KRT7: variants seen among roughly 807,000 people sequenced by gnomAD.
The protein encoded by KRT7 is keratin 7, also known as keratin, type II cytoskeletal 7.
Under a neutral mutation model 42.8 loss-of-function variants are expected in KRT7, and 50 were observed. That is an observed-to-expected ratio of 1.17 (90% confidence interval 0.93 to 1.48). KRT7 has a LOEUF of 1.48. KRT7 is among the 40% of genes most tolerant of loss of function. KRT7 has a pLI of 0.00. For synonymous variants in KRT7, 268 were observed against 266.3 expected, an observed-to-expected ratio of 1.01 and a Z score of -0.06; for missense variants, 588 against 637.6, an observed-to-expected ratio of 0.92 and a Z score of 0.84.
At chr12:52,236,076 G>C (rs913701561) in intron 2 of KRT7, among the ~76,000 whole-genome samples, 3 of 152,010 alleles carry the variant, frequency 2.0e-5, no homozygotes, top group African/African-American at 7.3e-5. Flanking sequence ...GCCCCACCCT[G>C]GCACACCTGA....
Position 52,238,794 on chromosome 12 carries a change from GGTGACAT to G in KRT7, c.693+22_693+28del, listed in dbSNP as rs1565718421. 6.7e-7 allele frequency: 1 copy of G among 1,482,056 alleles called. No homozygotes were observed. Among genetic ancestry groups the G allele is most frequent in the Non-Finnish European group, 9.4e-7 (1 of 1,059,544 alleles). 91.8% of individuals were successfully genotyped at this position (1,482,056 alleles called of 1,614,324 possible). On this transcript the variant is annotated intron_variant, in intron 4 of 8. Transcript: ENST00000331817. ...TGAGACGGTGAGGACCATGGAGCTG[GGTGACAT>G]GTCTTATCCTACCCATTCTAACCAG...
intron 6 of KRT7, chr12:52,244,707 G>A (rs1942143249): frequency 7.6e-6 from 7 of 918,788 alleles, no homozygotes; most frequent in Non-Finnish European, 9.1e-6. Context: ...TCCTGGCAGT[G>A]GGGGCTGAGC....
At chr12:52,250,519 A>T (rs907904939), downstream of KRT7, 1 of 810,422 alleles carries the variant, frequency 1.2e-6, no homozygotes, top group East Asian at 2.8e-5. Context: ...CAGGGCGCAC[A>T]CAGGCCGGTG....
chr12:52,236,338 C>T (rs988034898), intron 2 of KRT7, among the ~76,000 whole-genome samples: 11 of 151,990 alleles, frequency 7.2e-5, no homozygotes, highest in South Asian at 2.1e-4. Context: ...TGTGTGCATG[C>T]GTGTGTGCAT....
chr12:52,237,458 C>A, intron 2 of KRT7, 51 bp from the exon 3 acceptor site: 2 of 1,347,650 alleles, frequency 1.5e-6, no homozygotes, highest in Non-Finnish European at 2.1e-6. Context: ...GGAGGGGGGA[C>A]GGGAGCATGG....
chr12:52,245,748 G>A, intron 7 of KRT7, 116 bp downstream of exon 7: 2 of 1,334,320 alleles, frequency 1.5e-6, no homozygotes, highest in Non-Finnish European at 2.1e-6. Flanking sequence ...GGCACTGGGT[G>A]TGGGGATGCA....
chr12:52,245,102 G>A (rs1014882164), intron 6 of KRT7: 13 of 480,084 alleles, frequency 2.7e-5, no homozygotes, highest in Non-Finnish European at 3.7e-5. Flanking sequence ...ATTGTGCCAC[G>A]GACATCTTGT....
downstream of KRT7, among the ~76,000 whole-genome samples, chr12:52,254,785 A>G (rs989563326): frequency 3.9e-5 from 6 of 152,132 alleles, no homozygotes; most frequent in Non-Finnish European, 7.4e-5. Context: ...CTTCCAAGTC[A>G]GTGTCACTCT....
chr12:52,233,487 G>T lies in KRT7; in HGVS notation c.191G>T (p.Arg64Leu), dbSNP rs1164523324. The T allele has an allele frequency of 6.2e-7, 1 of 1,610,546 alleles. No homozygotes were observed. The change falls in exon 1 of 9, where the codon CGC (arginine) becomes CTC (leucine). Residue 64 changes from arginine to leucine, a missense_variant. Physicochemically the swap from Arg to Leu is moderately radical, Grantham distance 102 (BLOSUM62 -2). Transcript: ENST00000331817. ...GGGGGCCCGGTGGGCGCCGGCATCC[G>T]CGAGGTCACCATTAACCAGAGCCTG... ...AYGGPVGAGI[R>L]EVTINQSLLA...
chr12:52,251,634 T>A (rs1305390091), downstream of KRT7: 1 of 239,246 alleles, frequency 4.2e-6, no homozygotes, highest in African/African-American at 2.3e-5. Context: ...CCTAGGAAAG[T>A]AGAGTAAAAA....
chr12:52,244,125 G>A (rs1348147893), intron 6 of KRT7, among the ~76,000 whole-genome samples: 1 of 152,236 alleles, frequency 6.6e-6, no homozygotes, highest in East Asian at 1.9e-4. Context: ...TCGGAAAGCT[G>A]ATTTCCAGAT....
downstream of KRT7, chr12:52,254,229 CAT>C (rs780605795): frequency 7.0e-6 from 5 of 709,704 alleles, no homozygotes; most frequent in Admixed American, 9.1e-5. Flanking sequence ...ATGTCTAACT[CAT>C]ATCCTCCTTG....
At chr12:52,239,717 G>A (rs1020757692) in intron 4 of KRT7, among the ~76,000 whole-genome samples, 1 of 152,188 alleles carries the variant, frequency 6.6e-6, no homozygotes, top group Admixed American at 6.5e-5. Context: ...GCCCAAGTCA[G>A]GAGAGACTGG....
At chr12:52,253,770 A>C, downstream of KRT7, 1 of 838,966 alleles carries the variant, frequency 1.2e-6, no homozygotes, top group Non-Finnish European at 1.9e-6. Context: ...GATCTCCTGC[A>C]GGAGATGGGG....
chr12:52,242,423 T>C (rs1480072838), intron 5 of KRT7, among the ~76,000 whole-genome samples: 1 of 152,132 alleles, frequency 6.6e-6, no homozygotes, highest in East Asian at 1.9e-4. Context: ...ATCTACTTCA[T>C]GGTGGCAGGA....
rs778408933 is a variant in KRT7, at chr12:52,233,497, C to T, written c.201C>T (p.Thr67=). 15 of 1,612,260 alleles carry T rather than the reference C, an allele frequency of 9.3e-6. No individual in the cohort carries two copies. Among genetic ancestry groups the T allele is most frequent in the Non-Finnish European group, 1.3e-5 (15 of 1,179,718 alleles). Residue 67 remains threonine (T), a synonymous_variant, in exon 1 of 9, where the codon ACC becomes ACT. Transcript: ENST00000331817. ...GPVGAGIREV[T]INQSLLAPLR... ...TGGGCGCCGGCATCCGCGAGGTCAC[C>T]ATTAACCAGAGCCTGCTGGCCCCGC...
chr12:52,251,700 A>G, downstream of KRT7: 1 of 308,218 alleles, frequency 3.2e-6, no homozygotes, highest in Admixed American at 4.7e-5. Context: ...TTGACCTAAA[A>G]GTCCTTATGT....
downstream of KRT7, chr12:52,253,671 T>C: frequency 1.3e-6 from 2 of 1,483,408 alleles, no homozygotes; most frequent in Non-Finnish European, 1.8e-6. Flanking sequence ...AGCTTTGATC[T>C]CAGTGATGAC....
At chr12:52,251,886 A>G (rs965561710), downstream of KRT7, 1 of 414,390 alleles carries the variant, frequency 2.4e-6, no homozygotes, top group Non-Finnish European at 4.7e-6. Flanking sequence ...GCTGCTTTAC[A>G]TGACAACGGA....
Sources: allele counts gnomAD v4.1 joint callset (sites outside exome capture counted in the v4.1 genomes callset), GRCh38; gene constraint gnomAD v4.1.1; transcripts MANE v1.5; gene names NCBI Gene and HGNC (gene_info 2026-07-23, HGNC 2026-07-21).